Variants in TCF20 observed in about 807,000 individuals in gnomAD.
The protein encoded by TCF20 is SPRE-binding protein.
TCF20 carries 3 observed loss-of-function variants against 148.6 expected under a neutral mutation model. The ratio of observed to expected loss-of-function variants is 0.02; its 90% CI spans 0.01 to 0.05. The LOEUF (loss-of-function observed/expected upper bound fraction) is 0.05, where lower values mean the gene tolerates loss of function less well. TCF20 is among the 10% of genes least tolerant of loss of function. The pLI is 1.00. For missense variants in TCF20, 2,350 were observed against 2,429.3 expected (o/e 0.97, Z 0.69); for synonymous variants, 1,049 against 909.5 (o/e 1.15, Z -2.76).
chr22:42,255,596 C>A (rs984406276), intron 1 of TCF20, among the ~76,000 whole-genome samples: 1 of 152,166 alleles, frequency 6.6e-6, no homozygotes, highest in Admixed American at 6.5e-5. Flanking sequence ...GTTTTGGAAT[C>A]AACATGGGTT....
In TCF20 at chr22:42,161,460, C is replaced by G. The variant is rs903647080; in HGVS notation, c.*45-102G>C. ...CCCCTGGGAGCTTTCAGCAGGGAGCCTGCACTCACGCCCCTCTGCAGATGT... is the reference window on the plus strand; with the variant it reads ...CCCCTGGGAGCTTTCAGCAGGGAGCGTGCACTCACGCCCCTCTGCAGATGT... On this transcript the variant is annotated intron_variant, in intron 5 of 5. Coordinates refer to ENST00000677622, the MANE Select transcript of TCF20 (RefSeq NM_001378418.1). The G allele has an allele frequency of 6.0e-6, 9 of 1,498,756 alleles. No homozygotes were observed. In the African/African-American group the frequency reaches 9.6e-5, roughly 16 times the overall value. The allele number at this position is 1,498,756 out of a possible 1,614,324, so 92.8% of individuals were successfully genotyped here. A position where few individuals can be genotyped will look rare whatever the true frequency, so the allele number is the denominator to read the frequency against.
chr22:42,230,327 T>C (rs937123288), intron 1 of TCF20, among the ~76,000 whole-genome samples: 4 of 152,232 alleles, frequency 2.6e-5, no homozygotes, highest in Non-Finnish European at 5.9e-5. Flanking sequence ...TCCTTGTTTA[T>C]GGTCATGCAA....
intron 2 of TCF20, among the ~76,000 whole-genome samples, chr22:42,198,275 T>C (rs115017950): frequency 6.6e-6 from 1 of 152,340 alleles, no homozygotes; most frequent in African/African-American, 2.4e-5. Flanking sequence ...AGCTCCTCTC[T>C]GGACCTCAAA....
At chr22:42,324,156 T>G (rs1210821647) in intron 1 of TCF20, among the ~76,000 whole-genome samples, 1 of 26,638 alleles carries the variant, frequency 3.8e-5, no homozygotes, top group African/African-American at 1.6e-4. Flanking sequence ...TGATAGAGGT[T>G]ATGGTGATGG....
At chr22:42,253,719 A>G (rs1361416220) in intron 1 of TCF20, among the ~76,000 whole-genome samples, 1 of 152,226 alleles carries the variant, frequency 6.6e-6, no homozygotes, top group African/African-American at 2.4e-5. Flanking sequence ...AAATAAGTTT[A>G]GTAAAAACAA....
chr22:42,223,418 C>T (rs1922563740), intron 1 of TCF20, among the ~76,000 whole-genome samples: 1 of 152,130 alleles, frequency 6.6e-6, no homozygotes, highest in African/African-American at 2.4e-5. Context: ...TTTGAAAATC[C>T]TGACACACAC....
At position 42,168,646 on chromosome 22, in the gene TCF20, G is replaced by A; in HGVS notation, c.*7C>T. The stretch of plus-strand genomic sequence containing the variant: ...TCCTTTCCATTCCCACGAGCACACT[G>A]CCCCCCTCACCCCCGCTCCGACTGC... On this transcript the variant is annotated 3_prime_UTR_variant, in exon 5 of 6. Transcript: ENST00000677622. The A allele has an allele frequency of 6.3e-7, 1 of 1,598,278 alleles. No homozygotes were observed. The highest frequency in any genetic ancestry group is 1.1e-5 in the South Asian group (1 of 88,988).
chr22:42,272,622 G>A (rs1370858963), upstream of TCF20, among the ~76,000 whole-genome samples: 3 of 152,062 alleles, frequency 2.0e-5, no homozygotes, highest in South Asian at 2.1e-4. Flanking sequence ...CCCCCTCCCC[G>A]CCCTTTCAGA....
intron 1 of TCF20, among the ~76,000 whole-genome samples, chr22:42,260,106 TG>T (rs925004160): frequency 4.5e-4 from 68 of 152,264 alleles, no homozygotes; most frequent in African/African-American, 1.6e-3. Context: ...ACATTTAGGT[TG>T]AACCTGAATG....
intron 1 of TCF20, among the ~76,000 whole-genome samples, chr22:42,242,630 T>C (rs1235659928): frequency 6.6e-6 from 1 of 152,136 alleles, no homozygotes; most frequent in Non-Finnish European, 1.5e-5. Flanking sequence ...CTCACACCTA[T>C]AATCCCAGCA....
chr22:42,192,970 C>A (rs1779496996), intron 2 of TCF20, among the ~76,000 whole-genome samples: 1 of 152,222 alleles, frequency 6.6e-6, no homozygotes, highest in Admixed American at 6.5e-5. Flanking sequence ...AAAACACAGA[C>A]TGAGGACACT....
intron 1 of TCF20, among the ~76,000 whole-genome samples, chr22:42,335,798 T>G (rs899781134): frequency 6.6e-6 from 1 of 151,996 alleles, no homozygotes; most frequent in Non-Finnish European, 1.5e-5. Flanking sequence ...AGGGAGCCCT[T>G]CAGGGTGCCA....
At chr22:42,332,523 C>T (rs948016792) in intron 1 of TCF20, among the ~76,000 whole-genome samples, 6 of 152,030 alleles carry the variant, frequency 3.9e-5, no homozygotes, top group Admixed American at 2.6e-4. Context: ...TTTTTTGAGG[C>T]GGAGTCTCGC....
intron 2 of TCF20, among the ~76,000 whole-genome samples, chr22:42,182,904 TTTTTG>T (rs1375382650): frequency 1.3e-5 from 2 of 151,988 alleles, no homozygotes; most frequent in African/African-American, 2.4e-5. Flanking sequence ...ACCTGGCAAC[TTTTTG>T]TTTTTTTACT....
intron 1 of TCF20, among the ~76,000 whole-genome samples, chr22:42,226,670 A>C (rs545425091): frequency 1.1e-3 from 172 of 152,334 alleles, no homozygotes; most frequent in Non-Finnish European, 7.6e-4. Flanking sequence ...ACGCCACTGA[A>C]CTCCATCCAG....
intron 1 of TCF20, among the ~76,000 whole-genome samples, chr22:42,245,645 G>A (rs561748457): frequency 3.3e-5 from 5 of 152,222 alleles, no homozygotes; most frequent in African/African-American, 7.2e-5. Flanking sequence ...TTCCTCCAGC[G>A]CGATGTCAAC....
At chr22:42,201,140 T>TC (rs376179766) in intron 2 of TCF20, among the ~76,000 whole-genome samples, 1 of 152,144 alleles carries the variant, frequency 6.6e-6, no homozygotes, top group African/African-American at 2.4e-5. Flanking sequence ...GCCTTCCTGC[T>TC]CCCCCTCTAC....
At chr22:42,288,715 C>CAAAAAAAAAAAAA (rs60058670), upstream of TCF20, among the ~76,000 whole-genome samples, 1 of 85,304 alleles carries the variant, frequency 1.2e-5, no homozygotes, top group African/African-American at 5.5e-5. Flanking sequence ...GACCCTGTAT[C>CAAAAAAAAAAAAA]AAAAAAAAAA....
intron 5 of TCF20, among the ~76,000 whole-genome samples, chr22:42,164,212 CTTTTTT>C (rs56079117): frequency 1.2e-5 from 1 of 83,556 alleles, no homozygotes; most frequent in African/African-American, 4.8e-5. Flanking sequence ...TCATTTCTTT[CTTTTTT>C]TTTTTTTTTT....
Sources: gnomAD v4.1 joint callset for allele counts (sites outside exome capture counted in the v4.1 genomes callset) on GRCh38, gnomAD v4.1.1 for gene constraint, MANE v1.5 for transcripts, NCBI Gene and HGNC (gene_info 2026-07-23, HGNC 2026-07-21) for gene names.